Variants in C21orf58 observed in about 807,000 individuals in gnomAD.
C21orf58 encodes the protein chromosome 21 open reading frame 58.
Under a neutral mutation model 35.8 loss-of-function variants are expected in C21orf58, and 34 were observed. The ratio of observed to expected loss-of-function variants is 0.95; its 90% confidence interval spans 0.72 to 1.26. C21orf58 has a LOEUF of 1.26. C21orf58 is among the 50% of genes most tolerant of loss of function. The pLI is 0.00. For synonymous variants in C21orf58, 191 were observed against 175.8 expected, an observed-to-expected ratio of 1.09 and a Z score of -0.68; for missense variants, 440 against 414.3, an observed-to-expected ratio of 1.06 and a Z score of -0.54.
Position 46,301,871 on chromosome 21 carries a change from A to T in C21orf58, c.*128T>A. 7.7e-7 allele frequency: 1 copy of T among 1,306,038 alleles called. No individual in the cohort carries two copies. The highest frequency in any genetic ancestry group is 9.7e-7 in the Non-Finnish European group (1 of 1,030,250). 80.9% of individuals were successfully genotyped at this position (1,306,038 alleles called of 1,614,324 possible). ...TCCCCAGGAGGAGCCTGCAGTCCAC[A>T]CTCGCGTAGCCACTCCGGGTGGTGG... is the stretch of plus-strand genomic sequence containing the variant. On this transcript the variant is annotated 3_prime_UTR_variant, in exon 8 of 8. Coordinates refer to ENST00000291691, the MANE Select transcript of C21orf58 (RefSeq NM_058180.5).
At chr21:46,322,538 G>A in intron 1 of C21orf58, 101 bp downstream of exon 1, 1 of 1,312,416 alleles carries the variant, frequency 7.6e-7, no homozygotes, top group Non-Finnish European at 9.8e-7. Context: ...TGGCTGTGTT[G>A]CCTGCCTGGC....
At chr21:46,310,124 G>A (rs1342330050) in intron 6 of C21orf58, among the ~76,000 whole-genome samples, 2 of 152,182 alleles carry the variant, frequency 1.3e-5, no homozygotes, top group African/African-American at 2.4e-5. Context: ...AAACTTTGGA[G>A]GTGATGGATA....
rs892409760 is a variant in C21orf58, at chr21:46,301,929, G to A, written c.*70C>T. ...TCTCCCTGCTCCCTTCCATAGTCCCGCCACAGCCCACAGCCCTGAGGAAGC... is the reference window on the plus strand; with the variant it reads ...TCTCCCTGCTCCCTTCCATAGTCCCACCACAGCCCACAGCCCTGAGGAAGC... On this transcript the variant is annotated 3_prime_UTR_variant, in exon 8 of 8. Transcript: ENST00000291691. 41 of 1,399,128 alleles carry A rather than the reference G, an allele frequency of 2.9e-5. No homozygotes were observed. Among genetic ancestry groups the A allele is most frequent in the Non-Finnish European group, 3.3e-5 (36 of 1,079,288 alleles). 86.7% of individuals were successfully genotyped at this position (1,399,128 alleles called of 1,614,324 possible). A position where few individuals can be genotyped will look rare whatever the true frequency, so the allele number is the denominator to read the frequency against.
At chr21:46,300,815 G>A (rs763009129), downstream of C21orf58, 3 of 1,280,268 alleles carry the variant, frequency 2.3e-6, no homozygotes, top group Non-Finnish European at 3.1e-6. Context: ...GTGAATGAAA[G>A]TTTATGTATA....
At chr21:46,309,763 G>A (rs139009532) in intron 6 of C21orf58, among the ~76,000 whole-genome samples, 10 of 152,040 alleles carry the variant, frequency 6.6e-5, no homozygotes, top group African/African-American at 2.2e-4. Context: ...TTGGGAGGCT[G>A]AGGTGGGTGG....
chr21:46,302,362 G>C (rs896133236), intron 7 of C21orf58, 123 bp downstream of exon 7: 1 of 1,084,436 alleles, frequency 9.2e-7, no homozygotes, highest in Non-Finnish European at 1.3e-6. Flanking sequence ...GGGCTTCACA[G>C]CCAGACTGTA....
chr21:46,313,418 C>T (rs2082826873), intron 5 of C21orf58, among the ~76,000 whole-genome samples: 1 of 152,202 alleles, frequency 6.6e-6, no homozygotes, highest in Admixed American at 6.5e-5. Flanking sequence ...AGCTGCCGTG[C>T]CCGTCCTGGC....
chr21:46,311,410 T>C, intron 6 of C21orf58, 46 bp downstream of exon 6: 1 of 1,154,096 alleles, frequency 8.7e-7, no homozygotes, highest in Non-Finnish European at 1.2e-6. Context: ...TCCCTTTCAG[T>C]AGATAATTTC....
chr21:46,306,025 A>G (rs1016557422), intron 6 of C21orf58, among the ~76,000 whole-genome samples: 24 of 150,334 alleles, frequency 1.6e-4, no homozygotes, highest in Non-Finnish European at 3.2e-4. Flanking sequence ...GCTTGAGGCC[A>G]GGAGTTTTGG....
In C21orf58 at chr21:46,302,487, G is replaced by T; in HGVS notation, c.811C>A (p.Gln271Lys). The T allele has an allele frequency of 1.9e-6, 3 of 1,605,960 alleles. No homozygotes were observed. Among genetic ancestry groups the T allele is most frequent in the Non-Finnish European group, 2.6e-6 (3 of 1,175,108 alleles). ...WMLKALPPAL[Q>K]DPPHVPPRVP... ...GTTCTGCTGGGGGCTAAGCCTACCT[G>T]CAGGGCTGGGGGCAGGGCCTTGAGC... is the stretch of plus-strand genomic sequence containing the variant. Residue 271 changes from glutamine to lysine, a missense_variant and splice_region_variant, in exon 7 of 8, where the codon CAG (glutamine) becomes AAG (lysine). Gln to Lys is a moderately conservative substitution (Grantham distance 53). Coordinates refer to ENST00000291691, the MANE Select transcript of C21orf58 (RefSeq NM_058180.5).
chr21:46,300,797 A>T (rs1227342961), downstream of C21orf58: 1 of 1,288,518 alleles, frequency 7.8e-7, no homozygotes, highest in Non-Finnish European at 1.0e-6. Context: ...AATCTGTCCT[A>T]ATAGGGGGTG....
chr21:46,322,688 G>T lies in C21orf58; in HGVS notation c.51C>A (p.Leu17=). 2 of 1,583,294 alleles carry T rather than the reference G, an allele frequency of 1.3e-6. No individual in the cohort carries two copies. Among genetic ancestry groups the T allele is most frequent in the Non-Finnish European group, 1.7e-6 (2 of 1,164,204 alleles). The change falls in exon 1 of 8, where the codon CTC becomes CTA. Residue 17 remains leucine (L), a synonymous_variant. Coordinates refer to ENST00000291691, the MANE Select transcript of C21orf58 (RefSeq NM_058180.5). The part of the protein sequence containing the change: ...PATSLRKPWK[L]DRQKLPSPDS... ...CAGGAGAAGGAAGTTTCTGGCGGTC[G>T]AGCTTCCACGGCTTCCTGAGGGAGG...
At chr21:46,317,894 C>T (rs963380342) in intron 2 of C21orf58, 118 bp downstream of exon 2, 2 of 1,146,692 alleles carry the variant, frequency 1.7e-6, no homozygotes, top group Non-Finnish European at 2.5e-6. Context: ...GGGCTGCCAG[C>T]CCCAGGCCTA....
At chr21:46,320,329 C>A (rs2083112609) in intron 1 of C21orf58, among the ~76,000 whole-genome samples, 2 of 151,924 alleles carry the variant, frequency 1.3e-5, no homozygotes, top group Non-Finnish European at 1.5e-5. Flanking sequence ...TCTCGAACTC[C>A]TGACCTCAAG....
At chr21:46,320,259 C>T (rs1471379118) in intron 1 of C21orf58, among the ~76,000 whole-genome samples, 8 of 151,950 alleles carry the variant, frequency 5.3e-5, no homozygotes, top group African/African-American at 4.8e-5. Flanking sequence ...CACGCCACCA[C>T]GCCCAGTTAA....
intron 6 of C21orf58, among the ~76,000 whole-genome samples, chr21:46,304,321 C>T (rs1344619364): frequency 1.3e-5 from 2 of 151,932 alleles, no homozygotes; most frequent in South Asian, 2.1e-4. Context: ...TGAGCCACTG[C>T]GCCTGCCCTA....
chr21:46,302,591 C>G lies in C21orf58; in HGVS notation c.722-15G>C. The G allele has an allele frequency of 6.3e-7, 1 of 1,599,326 alleles. No homozygotes were observed. The stretch of plus-strand genomic sequence containing the variant: ...CTCCACCATGTCTGCAGGGAAGAAG[C>G]AGGGGGACCCTGAATAAAGTTTCCG... On this transcript the variant is annotated splice_polypyrimidine_tract_variant and intron_variant, in intron 6 of 7. Transcript: ENST00000291691.
At chr21:46,300,542 C>G, downstream of C21orf58, 1 of 691,624 alleles carries the variant, frequency 1.4e-6, no homozygotes, top group Non-Finnish European at 1.9e-6. Flanking sequence ...AGCACAGAGT[C>G]TCTGGAATCA....
chr21:46,303,058 G>C (rs542912001), intron 6 of C21orf58, among the ~76,000 whole-genome samples: 111 of 152,260 alleles, frequency 7.3e-4, no homozygotes, highest in Non-Finnish European at 1.5e-3. Context: ...CAGCTCCTTG[G>C]GAGGCTGAGG....
Sources: gnomAD v4.1 joint callset for allele counts (sites outside exome capture counted in the v4.1 genomes callset) on GRCh38, gnomAD v4.1.1 for gene constraint, MANE v1.5 for transcripts, NCBI Gene and HGNC (gene_info 2026-07-23, HGNC 2026-07-21) for gene names.